INPP4B: variants seen among roughly 807,000 people sequenced by gnomAD.
The protein encoded by INPP4B is inositol polyphosphate 4-phosphatase type II.
A neutral mutation model predicts 122.5 loss-of-function variants in INPP4B; 55 were observed. That is an observed-to-expected ratio of 0.45 (90% CI 0.36 to 0.56). INPP4B has a LOEUF of 0.56. INPP4B is among the 20% of genes least tolerant of loss of function. INPP4B has a pLI of 0.00. For synonymous variants in INPP4B, 403 were observed against 388.7 expected, an observed-to-expected ratio of 1.04 and a Z score of -0.43; for missense variants, 1,000 against 1,097.7, an observed-to-expected ratio of 0.91 and a Z score of 1.26.
chr4:142,786,115 T>C (rs866569704), intron 1 of INPP4B, among the ~76,000 whole-genome samples: 1 of 152,058 alleles, frequency 6.6e-6, no homozygotes, highest in South Asian at 2.1e-4. Flanking sequence ...CAAATATCCA[T>C]AGGACCCAAA....
chr4:142,601,950 C>G, intron 2 of INPP4B, among the ~76,000 whole-genome samples: 1 of 101,026 alleles, frequency 9.9e-6, no homozygotes, highest in East Asian at 2.9e-4. Flanking sequence ...GCGTGGGTGA[C>G]AGAGCAAGAC....
At chr4:142,383,821 A>G in intron 7 of INPP4B, 1 of 432,486 alleles carries the variant, frequency 2.3e-6, no homozygotes, top group South Asian at 5.5e-5. Flanking sequence ...GGGGATATAG[A>G]GGACCTTGAC....
chr4:142,313,218 CA>C (rs1190196939), intron 8 of INPP4B, among the ~76,000 whole-genome samples: 4 of 151,962 alleles, frequency 2.6e-5, no homozygotes, highest in Admixed American at 2.6e-4. Flanking sequence ...ACGACTGGGC[CA>C]AAATATCATT....
At chr4:142,146,111 G>T in intron 17 of INPP4B, 115 bp from the exon 18 acceptor site, 1 of 1,125,348 alleles carries the variant, frequency 8.9e-7, no homozygotes, top group Non-Finnish European at 1.3e-6. Context: ...AATGCAGATT[G>T]AGTAGCTCTA....
intron 14 of INPP4B, among the ~76,000 whole-genome samples, chr4:142,194,327 A>G (rs997024495): frequency 6.6e-5 from 10 of 152,180 alleles, no homozygotes; most frequent in African/African-American, 2.4e-4. Context: ...GTCAGCTCTT[A>G]TTAAGATAGC....
chr4:142,704,649 C>T (rs1170335085), intron 2 of INPP4B, among the ~76,000 whole-genome samples: 6 of 152,170 alleles, frequency 3.9e-5, no homozygotes, highest in Non-Finnish European at 5.9e-5. Context: ...GCTCAAAGAT[C>T]GCTATCATTT....
chr4:142,456,365 A>G (rs1434687193), intron 3 of INPP4B, among the ~76,000 whole-genome samples: 2 of 152,002 alleles, frequency 1.3e-5, no homozygotes, highest in Non-Finnish European at 2.9e-5. Context: ...CTGCTTATGA[A>G]TATACAGTTT....
chr4:142,083,901 T>C (rs1775413474), intron 24 of INPP4B, among the ~76,000 whole-genome samples: 2 of 152,144 alleles, frequency 1.3e-5, no homozygotes, highest in Non-Finnish European at 1.5e-5. Flanking sequence ...TTAAAATTTA[T>C]TGTTACTATC....
intron 8 of INPP4B, among the ~76,000 whole-genome samples, chr4:142,308,020 T>C (rs1483183858): frequency 6.6e-6 from 1 of 152,174 alleles, no homozygotes; most frequent in African/African-American, 2.4e-5. Flanking sequence ...CAGCTGCAAG[T>C]AAAATTTATG....
intron 1 of INPP4B, among the ~76,000 whole-genome samples, chr4:142,800,763 C>A (rs1163037350): frequency 6.6e-6 from 1 of 152,040 alleles, no homozygotes; most frequent in Non-Finnish European, 1.5e-5. Flanking sequence ...GTTGGGGATC[C>A]CTTTTAGTAT....
intron 1 of INPP4B, among the ~76,000 whole-genome samples, chr4:142,769,029 G>T (rs1042676448): frequency 6.6e-6 from 1 of 152,110 alleles, no homozygotes; most frequent in East Asian, 1.9e-4. Flanking sequence ...GAACTAATCT[G>T]GAAGAGTGGT....
Position 142,755,678 on chromosome 4 carries a change from C to T in INPP4B, c.-253-29777G>A, listed in dbSNP as rs533865369. 4.0e-3 allele frequency among the ~76,000 whole-genome samples: 602 copies of T among 152,064 alleles called. 2 individuals are homozygous for T. Among genetic ancestry groups the T allele is most frequent in the Non-Finnish European group, 7.2e-3 (487 of 67,920 alleles). On this transcript the variant is annotated intron_variant, in intron 1 of 25. Transcript: ENST00000262992. ...TTTAAAATGGGCTTTAATTAATTTG[C>T]TTTAAAGAGAAATAAAATAACATGT...
At chr4:142,209,792 CAAAAAAAAA>C (rs375306534) in intron 12 of INPP4B, among the ~76,000 whole-genome samples, 5 of 39,550 alleles carry the variant, frequency 1.3e-4, no homozygotes, top group Admixed American at 9.9e-4. Flanking sequence ...GACCCCGTCT[CAAAAAAAAA>C]AAAAAAAAAA....
chr4:142,635,177 G>A (rs1748837380), intron 2 of INPP4B, among the ~76,000 whole-genome samples: 1 of 151,988 alleles, frequency 6.6e-6, no homozygotes. Flanking sequence ...ACACTAGTCA[G>A]AATGGCTATT....
chr4:142,656,819 T>C (rs1253863557), intron 2 of INPP4B, among the ~76,000 whole-genome samples: 2 of 152,234 alleles, frequency 1.3e-5, no homozygotes, highest in African/African-American at 4.8e-5. Flanking sequence ...TAGAAGATGT[T>C]TTTACTGGGT....
At chr4:142,644,708 T>C (rs1350251794) in intron 2 of INPP4B, among the ~76,000 whole-genome samples, 2 of 134,602 alleles carry the variant, frequency 1.5e-5, no homozygotes, top group African/African-American at 5.7e-5. Flanking sequence ...TCAAGACCAG[T>C]CTGGCCAACA....
intron 14 of INPP4B, among the ~76,000 whole-genome samples, chr4:142,195,021 T>A (rs940161933): frequency 6.6e-6 from 1 of 152,232 alleles, no homozygotes; most frequent in Non-Finnish European, 1.5e-5. Flanking sequence ...CAAATTATCA[T>A]GACAATGCAA....
At chr4:142,069,217 T>C (rs1452719799) in intron 25 of INPP4B, among the ~76,000 whole-genome samples, 1 of 152,178 alleles carries the variant, frequency 6.6e-6, no homozygotes, top group Non-Finnish European at 1.5e-5. Flanking sequence ...CTGAACAACC[T>C]GCTCCTGAAT....
intron 7 of INPP4B, among the ~76,000 whole-genome samples, chr4:142,331,199 T>C (rs552851326): frequency 6.6e-6 from 1 of 152,292 alleles, no homozygotes; most frequent in South Asian, 2.1e-4. Flanking sequence ...TGGAGGAAGC[T>C]ACCATTCATA....
Sources: allele counts gnomAD v4.1 joint callset (sites outside exome capture counted in the v4.1 genomes callset), GRCh38; gene constraint gnomAD v4.1.1; transcripts MANE v1.5; gene names NCBI Gene and HGNC (gene_info 2026-07-23, HGNC 2026-07-21).